The following ERCC6 variants were observed in gnomAD, a reference collection of about 807,000 sequenced individuals.
ERCC6 encodes ERCC excision repair 6, chromatin remodeling factor.
ERCC6 carries 116 observed loss-of-function variants against 158.7 expected under a neutral mutation model. That is an observed-to-expected ratio of 0.73 (90% CI 0.63 to 0.85). ERCC6 has a LOEUF of 0.85. Ranked by LOEUF, ERCC6 falls within the 40% of genes least tolerant of loss-of-function variation. ERCC6 has a pLI of 0.00. For synonymous variants in ERCC6, 678 were observed against 659.3 expected (o/e 1.03, Z -0.43); for missense variants, 1,698 against 1,799.4 (o/e 0.94, Z 1.02).
In ERCC6 at chr10:49,459,036, T is replaced by C. The variant is rs771692143; in HGVS notation, c.4261A>G (p.Thr1421Ala). 7.4e-6 allele frequency: 12 copies of C among 1,614,190 alleles called. No individual in the cohort carries two copies. The highest frequency in any genetic ancestry group is 1.0e-5 in the Non-Finnish European group (12 of 1,180,028). Residue 1421 changes from threonine to alanine, a missense_variant, in exon 21 of 21, where the codon ACC (threonine) becomes GCC (alanine). By Grantham distance (58) the Thr-to-Ala change is moderately conservative (BLOSUM62 0). Transcript: ENST00000355832. Reference sequence around the variant, plus strand: ...ACCAGAAGGTCATCGTGTTCTGTGGTGGGCAGCAGGGCAGAAGCTTCCTGC... The same window carrying C: ...ACCAGAAGGTCATCGTGTTCTGTGGCGGGCAGCAGGGCAGAAGCTTCCTGC... ...HLQEASALLP[T>A]TEHDDLLVEM... is the part of the protein sequence containing the mutation.
intron 5 of ERCC6, among the ~76,000 whole-genome samples, chr10:49,522,685 C>T (rs1837199550): frequency 6.6e-6 from 1 of 152,096 alleles, no homozygotes; most frequent in African/African-American, 2.4e-5. Flanking sequence ...ATATATATTG[C>T]TCCATTTATA....
At chr10:49,530,525 T>A (rs559478004) in intron 3 of ERCC6, among the ~76,000 whole-genome samples, 195 bp downstream of exon 3, 1 of 152,324 alleles carries the variant, frequency 6.6e-6, no homozygotes, top group Non-Finnish European at 1.5e-5. Context: ...TGTGTTTTTT[T>A]AAATGCAATA....
intron 5 of ERCC6, among the ~76,000 whole-genome samples, chr10:49,518,536 A>G (rs947360487): frequency 6.6e-6 from 1 of 152,190 alleles, no homozygotes; most frequent in African/African-American, 2.4e-5. Context: ...CATGTCAGCC[A>G]TCATTGTTCT....
At chr10:49,447,431 T>C in the ERCC6 span, among the ~76,000 whole-genome samples, 1 of 152,178 alleles carries the variant, frequency 6.6e-6, no homozygotes, top group Non-Finnish European at 1.5e-5. Context: ...CTCACGCCTG[T>C]AATCCCAGCA....
Position 49,459,087 on chromosome 10 carries a change from G to T in ERCC6, c.4210C>A (p.Arg1404Ser). ...AGGTGCCCGCTTTCACTTTCTAAAC[G>T]CTCTGGCAGAATCAGGTGGTTTCTA... is the stretch of plus-strand genomic sequence containing the variant. ...RARNHLILPE[R>S]LESESGHLQE... The change falls in exon 21 of 21, where the codon CGT becomes AGT. Residue 1404 changes from arginine to serine, a missense_variant. Arg to Ser is a moderately radical substitution (Grantham distance 110, BLOSUM62 -1). Transcript: ENST00000355832. 1 of 1,614,166 alleles carries T rather than the reference G, an allele frequency of 6.2e-7. No individual in the cohort carries two copies. Among genetic ancestry groups the T allele is most frequent in the Non-Finnish European group, 8.5e-7 (1 of 1,180,038 alleles).
At chr10:49,459,382 A>G in intron 20 of ERCC6, 148 bp from the exon 21 acceptor site, 1 of 782,960 alleles carries the variant, frequency 1.3e-6, no homozygotes, top group Non-Finnish European at 2.1e-6. Flanking sequence ...ACCTAATGAA[A>G]AGGGAAAGGA....
chr10:49,480,181 T>C (rs1483491637), intron 10 of ERCC6, among the ~76,000 whole-genome samples: 3 of 152,176 alleles, frequency 2.0e-5, no homozygotes, highest in Non-Finnish European at 2.9e-5. Flanking sequence ...CCCCATCACC[T>C]TCCTCACCTT....
At chr10:49,443,029 A>G in the ERCC6 span, among the ~76,000 whole-genome samples, 2 of 152,292 alleles carry the variant, frequency 1.3e-5, no homozygotes, top group African/African-American at 4.8e-5. Flanking sequence ...GCTTGTGCCA[A>G]TGAGGGTGTA....
chr10:49,479,052 T>C (rs1850929493), intron 10 of ERCC6, among the ~76,000 whole-genome samples: 1 of 151,700 alleles, frequency 6.6e-6, no homozygotes, highest in African/African-American at 2.4e-5. Flanking sequence ...TGCCCTAAAA[T>C]GCAGCATATG....
intron 18 of ERCC6, among the ~76,000 whole-genome samples, chr10:49,468,166 T>A: frequency 6.6e-6 from 1 of 152,254 alleles, no homozygotes; most frequent in South Asian, 2.1e-4. Context: ...TAAGTAGTTT[T>A]CTTGCACAAT....
At position 49,515,082 on chromosome 10, in the gene ERCC6, A is replaced by G. The variant is rs566918236; in HGVS notation, c.1397+8951T>C. The G allele has an allele frequency of 1.2e-5, 8 of 692,850 alleles. No individual in the cohort carries two copies. In the East Asian group the frequency reaches 3.2e-4, roughly 28 times the overall value. The allele number at this position is 692,850 out of a possible 1,614,324, so 42.9% of individuals were successfully genotyped here. ...GTGTCTCAGCTTTGTTATTTAAAAG[A>G]AGGCAATGTGCTCTCTAAGAAAACA... On this transcript the variant is annotated intron_variant, in intron 5 of 20. Transcript: ENST00000355832.
chr10:49,455,985 T>A lies in ERCC6; in HGVS notation c.*2830A>T, dbSNP rs1850477816. On this transcript the variant is annotated 3_prime_UTR_variant, in exon 21 of 21. Coordinates refer to ENST00000355832, the MANE Select transcript of ERCC6 (RefSeq NM_000124.4). The stretch of plus-strand genomic sequence containing the variant: ...TGACATTTAAAATCTACATCATTAA[T>A]CCAACAATTCTGTGCAGGCAGAGCT... The A allele has an allele frequency of 6.6e-6, 1 of 152,196 alleles. No homozygotes were observed. Among genetic ancestry groups the A allele is most frequent in the South Asian group, 2.1e-4 (1 of 4,828 alleles). 9.4% of individuals were successfully genotyped at this position (152,196 alleles called of 1,614,324 possible). A position where few individuals can be genotyped will look rare whatever the true frequency, so the allele number is the denominator to read the frequency against.
At chr10:49,484,278 C>CAA (rs60365716) in intron 8 of ERCC6, among the ~76,000 whole-genome samples, 12 of 96,044 alleles carry the variant, frequency 1.2e-4, no homozygotes, top group South Asian at 3.5e-4. Context: ...GACTCTGCCT[C>CAA]AAAAAAAAAA....
chr10:49,484,615 C>G (rs1385238061), intron 8 of ERCC6, among the ~76,000 whole-genome samples: 1 of 152,158 alleles, frequency 6.6e-6, no homozygotes, highest in African/African-American at 2.4e-5. Context: ...TGGTGCACAG[C>G]TGCAGTGCCA....
intron 10 of ERCC6, among the ~76,000 whole-genome samples, chr10:49,480,298 A>AC (rs766453599): frequency 2.0e-4 from 30 of 152,128 alleles, no homozygotes; most frequent in Non-Finnish European, 4.1e-4. Context: ...CTGTACTGGG[A>AC]CCAGGTTTAT....
intron 18 of ERCC6, among the ~76,000 whole-genome samples, chr10:49,466,020 A>C (rs1217408866): frequency 6.6e-6 from 1 of 152,196 alleles, no homozygotes; most frequent in Non-Finnish European, 1.5e-5. Flanking sequence ...TACTATGTTA[A>C]TGTGTTACTA....
At chr10:49,442,487 G>A in the ERCC6 span, among the ~76,000 whole-genome samples, 1 of 152,224 alleles carries the variant, frequency 6.6e-6, no homozygotes. Flanking sequence ...GCAGAAAGTT[G>A]AAACAACATA....
intron 10 of ERCC6, among the ~76,000 whole-genome samples, chr10:49,481,836 C>T (rs1850985105): frequency 6.6e-6 from 1 of 152,180 alleles, no homozygotes. Context: ...CCTGCCCCAC[C>T]ATCTTTCTCA....
intron 18 of ERCC6, among the ~76,000 whole-genome samples, chr10:49,464,787 G>A (rs1371545553): frequency 2.0e-5 from 3 of 152,228 alleles, no homozygotes; most frequent in African/African-American, 7.2e-5. Flanking sequence ...TTGAGCCTGA[G>A]GGTGCACAGA....
Sources: gnomAD v4.1 joint callset for allele counts (sites outside exome capture counted in the v4.1 genomes callset) on GRCh38, gnomAD v4.1.1 for gene constraint, MANE v1.5 for transcripts, NCBI Gene and HGNC (gene_info 2026-07-23, HGNC 2026-07-21) for gene names.